The following TMEM74 variants were observed in gnomAD, a reference collection of about 807,000 sequenced individuals.
TMEM74 encodes transmembrane protein 74.
TMEM74 carries 13 observed loss-of-function variants against 18.1 expected under a neutral mutation model. That is an observed-to-expected ratio of 0.72 (90% CI 0.47 to 1.14). The LOEUF (loss-of-function observed/expected upper bound fraction) is 1.14. Ranked by LOEUF, TMEM74 falls within the 50% of genes most tolerant of loss-of-function variation. The probability of loss-of-function intolerance (pLI) is 0.00; values close to 1 mark genes in which losing one functional copy is unlikely to be tolerated. For missense variants in TMEM74, 372 were observed against 375.9 expected (o/e 0.99, Z 0.09); for synonymous variants, 159 against 146.6 (o/e 1.08, Z -0.61).
chr8:108,662,459 T>C (rs774610627), intron 1 of TMEM74, among the ~76,000 whole-genome samples: 23 of 151,372 alleles, frequency 1.5e-4, no homozygotes, highest in Non-Finnish European at 2.9e-4. Flanking sequence ...GTTGCTCTTA[T>C]TGAGGTTTTT....
At chr8:108,684,886 T>C (rs1469359365) in intron 1 of TMEM74, among the ~76,000 whole-genome samples, 2 of 152,060 alleles carry the variant, frequency 1.3e-5, no homozygotes, top group Non-Finnish European at 1.5e-5. Flanking sequence ...CCAGCTTTGT[T>C]CTTTTTGCTC....
intron 2 of TMEM74, among the ~76,000 whole-genome samples, chr8:108,651,736 T>G (rs1331882551): frequency 2.6e-5 from 4 of 151,970 alleles, no homozygotes; most frequent in African/African-American, 9.7e-5. Flanking sequence ...GGACCCCCAG[T>G]TGACAAGGAG....
intron 1 of TMEM74, among the ~76,000 whole-genome samples, chr8:108,726,125 A>G (rs1441400153): frequency 6.6e-6 from 1 of 152,126 alleles, no homozygotes; most frequent in East Asian, 1.9e-4. Context: ...CCCGGGGTAA[A>G]ATCCCTTTTC....
At chr8:108,619,012 A>C (rs1199732987) in intron 2 of TMEM74, among the ~76,000 whole-genome samples, 5 of 151,650 alleles carry the variant, frequency 3.3e-5, no homozygotes, top group Non-Finnish European at 7.4e-5. Flanking sequence ...GAGAATTATT[A>C]TTCTATATTT....
chr8:108,767,465 A>G (rs748876024), intron 1 of TMEM74, among the ~76,000 whole-genome samples: 2 of 152,190 alleles, frequency 1.3e-5, no homozygotes. Flanking sequence ...AAATAGGGTC[A>G]ATATAGGAAG....
intron 1 of TMEM74, among the ~76,000 whole-genome samples, chr8:108,660,475 C>T (rs1005035039): frequency 2.0e-5 from 3 of 152,146 alleles, no homozygotes; most frequent in Admixed American, 2.0e-4. Flanking sequence ...GGTATTCAAC[C>T]TTCCCAAAAC....
intron 2 of TMEM74, among the ~76,000 whole-genome samples, chr8:108,628,602 T>G (rs1812519622): frequency 6.6e-6 from 1 of 152,078 alleles, no homozygotes; most frequent in Non-Finnish European, 1.5e-5. Flanking sequence ...TACATGTACA[T>G]GTGTCTTTAT....
intron 1 of TMEM74, among the ~76,000 whole-genome samples, chr8:108,747,675 G>A (rs1049283070): frequency 1.3e-5 from 2 of 152,030 alleles, no homozygotes; most frequent in South Asian, 4.1e-4. Context: ...GTTAAGCACA[G>A]CATCCATTAG....
chr8:108,638,710 A>T (rs1453701318), intron 2 of TMEM74, among the ~76,000 whole-genome samples: 1 of 152,112 alleles, frequency 6.6e-6, no homozygotes, highest in Non-Finnish European at 1.5e-5. Context: ...ACAATTATTG[A>T]GCACTTACTG....
In TMEM74 at chr8:108,784,302, G is replaced by C; in HGVS notation, c.797C>G (p.Ala266Gly). The C allele has an allele frequency of 6.2e-7, 1 of 1,614,048 alleles. No individual in the cohort carries two copies. Among genetic ancestry groups the C allele is most frequent in the Non-Finnish European group, 8.5e-7 (1 of 1,180,016 alleles). ...GAGTTTTGCAGACTCTTTGGAAGAG[G>C]CAAATCTGTTTCGACGATAGAGCTC... is the stretch of plus-strand genomic sequence containing the variant. ...KGELYRRNRF[A>G]SSKESAKLYG... Residue 266 changes from alanine to glycine, a missense_variant, in exon 2 of 2, where the codon GCC (alanine) becomes GGC (glycine). Physicochemically the swap from Ala to Gly is moderately conservative, Grantham distance 60 (BLOSUM62 0). Coordinates refer to ENST00000297459, the MANE Select transcript of TMEM74 (RefSeq NM_153015.3).
chr8:108,640,108 G>C (rs1337930259), intron 2 of TMEM74, among the ~76,000 whole-genome samples: 5 of 135,722 alleles, frequency 3.7e-5, no homozygotes, highest in Non-Finnish European at 7.9e-5. Context: ...CTCTTTTATA[G>C]TAATCACTTT....
At chr8:108,656,271 C>T (rs1428207986) in intron 1 of TMEM74, among the ~76,000 whole-genome samples, 2 of 152,124 alleles carry the variant, frequency 1.3e-5, no homozygotes, top group Non-Finnish European at 2.9e-5. Flanking sequence ...AGGTTGTAAA[C>T]TTGCTTTTCT....
chr8:108,787,450 ACCCCATCCCACT>A lies in TMEM74; in HGVS notation c.-40+14_-40+25del, dbSNP rs1814408405. ...TCTCACCCTTGCATTCAAAGCCTCCACCCCATCCCACTCCCCGCCACTCACCTTCTGCTTCGG... is the reference window on the plus strand; with the variant it reads ...TCTCACCCTTGCATTCAAAGCCTCCACCCCGCCACTCACCTTCTGCTTCGG... On this transcript the variant is annotated intron_variant, in intron 1 of 1. Coordinates refer to ENST00000297459, the MANE Select transcript of TMEM74 (RefSeq NM_153015.3). The A allele has an allele frequency of 6.6e-6, 1 of 151,544 alleles. No individual in the cohort carries two copies. The highest frequency in any genetic ancestry group is 2.4e-5 in the African/African-American group (1 of 41,226). The allele number at this position is 151,544 out of a possible 1,614,324, so 9.4% of individuals were successfully genotyped here.
intron 1 of TMEM74, among the ~76,000 whole-genome samples, chr8:108,736,994 C>T (rs1813755458): frequency 6.6e-6 from 1 of 152,114 alleles, no homozygotes. Context: ...AACTATTCCT[C>T]AAAAGACAAA....
chr8:108,762,233 A>G (rs1246387541), intron 1 of TMEM74, among the ~76,000 whole-genome samples: 1 of 152,130 alleles, frequency 6.6e-6, no homozygotes, highest in African/African-American at 2.4e-5. Flanking sequence ...AGAGATTCAA[A>G]TAATACAAAT....
At chr8:108,674,116 A>C (rs529402847) in intron 1 of TMEM74, among the ~76,000 whole-genome samples, 1 of 152,298 alleles carries the variant, frequency 6.6e-6, no homozygotes, top group South Asian at 2.1e-4. Flanking sequence ...TATTGTTTCC[A>C]CAAGCAAGTA....
rs1029290226 is a variant in TMEM74, at chr8:108,783,947, T to G, written c.*234A>C. Reference sequence around the variant, plus strand: ...GAAGTTCTTGGCCATTACAGATTAATTAGCCTTCAGCTCTTCAGAAGGATA... The same window carrying G: ...GAAGTTCTTGGCCATTACAGATTAAGTAGCCTTCAGCTCTTCAGAAGGATA... On this transcript the variant is annotated 3_prime_UTR_variant, in exon 2 of 2. Transcript: ENST00000297459. 3 of 361,740 alleles carry G rather than the reference T, an allele frequency of 8.3e-6. No homozygotes were observed. Among genetic ancestry groups the G allele is most frequent in the African/African-American group, 6.3e-5 (3 of 47,468 alleles). The allele number at this position is 361,740 out of a possible 1,614,324, so 22.4% of individuals were successfully genotyped here. A position where few individuals can be genotyped will look rare whatever the true frequency, so the allele number is the denominator to read the frequency against.
intron 1 of TMEM74, among the ~76,000 whole-genome samples, chr8:108,711,308 G>C (rs2935794): frequency 0.39 from 59,283 of 151,908 alleles, 12,004 homozygotes; most frequent in East Asian, 0.6. Flanking sequence ...TGAATTAAAA[G>C]GATATTCCAT....
intron 1 of TMEM74, among the ~76,000 whole-genome samples, chr8:108,660,215 C>T (rs979873478): frequency 1.3e-5 from 2 of 152,162 alleles, no homozygotes; most frequent in Non-Finnish European, 2.9e-5. Flanking sequence ...CAAAGACTGG[C>T]AATTCTTTCT....
Sources: allele counts gnomAD v4.1 joint callset (sites outside exome capture counted in the v4.1 genomes callset), GRCh38; gene constraint gnomAD v4.1.1; transcripts MANE v1.5; gene names NCBI Gene and HGNC (gene_info 2026-07-23, HGNC 2026-07-21).